PTPRJ: variants seen among roughly 807,000 people sequenced by gnomAD.
PTPRJ encodes the protein receptor-type tyrosine-protein phosphatase eta.
In PTPRJ, 129 loss-of-function variants were observed where a neutral mutation model predicts 141.3. The ratio of observed to expected loss-of-function variants is 0.91; its 90% CI spans 0.79 to 1.06. PTPRJ has a LOEUF of 1.06. PTPRJ is among the 50% of genes least tolerant of loss of function. The pLI, the probability that PTPRJ is intolerant of heterozygous loss-of-function variation, is 0.00. For missense variants in PTPRJ, 1,601 were observed against 1,679.7 expected, an observed-to-expected ratio of 0.95 and a Z score of 0.82; for synonymous variants, 610 against 640.5, an observed-to-expected ratio of 0.95 and a Z score of 0.72.
intron 1 of PTPRJ, among the ~76,000 whole-genome samples, chr11:48,108,118 C>CA (rs998705135): frequency 1.3e-5 from 2 of 152,040 alleles, no homozygotes; most frequent in African/African-American, 4.8e-5. Context: ...CTTTGGAAAA[C>CA]AATGCTGGGG....
intron 14 of PTPRJ, among the ~76,000 whole-genome samples, chr11:48,145,948 G>C (rs1857340375): frequency 6.6e-6 from 1 of 152,060 alleles, no homozygotes; most frequent in Non-Finnish European, 1.5e-5. Context: ...GAATTCCTGG[G>C]CTCAAGGGAT....
intron 1 of PTPRJ, among the ~76,000 whole-genome samples, chr11:48,046,913 T>TATATA (rs374032992): frequency 8.8e-4 from 50 of 56,702 alleles, no homozygotes; most frequent in Admixed American, 3.3e-3. Context: ...TATATATATA[T>TATATA]TTTTTTTTTT....
chr11:48,027,979 C>T (rs1169775719), intron 1 of PTPRJ, among the ~76,000 whole-genome samples: 3 of 151,774 alleles, frequency 2.0e-5, no homozygotes, highest in Non-Finnish European at 4.4e-5. Flanking sequence ...TTCCAGGGTC[C>T]AGGCAGTGAG....
chr11:48,071,322 AT>A (rs879457113), intron 1 of PTPRJ, among the ~76,000 whole-genome samples: 113 of 147,026 alleles, frequency 7.7e-4, no homozygotes, highest in African/African-American at 1.1e-3. Flanking sequence ...AGACTGAGTA[AT>A]TTTTTTTTTT....
At chr11:48,032,783 A>G (rs778682680) in intron 1 of PTPRJ, among the ~76,000 whole-genome samples, 12 of 152,196 alleles carry the variant, frequency 7.9e-5, no homozygotes, top group Non-Finnish European at 1.6e-4. Context: ...AAAACAACAA[A>G]AAACCCCAAA....
intron 3 of PTPRJ, among the ~76,000 whole-genome samples, chr11:48,113,289 G>A (rs898669335): frequency 2.0e-5 from 3 of 152,044 alleles, no homozygotes; most frequent in Non-Finnish European, 2.9e-5. Flanking sequence ...AAATATCAAG[G>A]TCATCCTTTA....
At chr11:48,054,047 C>A (rs1854685818) in intron 1 of PTPRJ, among the ~76,000 whole-genome samples, 1 of 150,440 alleles carries the variant, frequency 6.6e-6, no homozygotes, top group African/African-American at 2.5e-5. Context: ...GTTCTCCTGG[C>A]TCAGCCTCCC....
intron 4 of PTPRJ, 72 bp downstream of exon 4, chr11:48,121,338 T>C: frequency 6.7e-7 from 1 of 1,482,740 alleles, no homozygotes; most frequent in Non-Finnish European, 9.2e-7. Context: ...CCTTGTCCGT[T>C]CAAGTTGCCT....
chr11:48,055,720 C>G (rs1231052161), intron 1 of PTPRJ, among the ~76,000 whole-genome samples: 1 of 152,142 alleles, frequency 6.6e-6, no homozygotes, highest in East Asian at 1.9e-4. Flanking sequence ...GAAGGTAGAT[C>G]CCTGAAGTTG....
intron 1 of PTPRJ, among the ~76,000 whole-genome samples, chr11:48,064,644 C>T (rs1248478365): frequency 1.3e-5 from 2 of 152,134 alleles, no homozygotes; most frequent in Non-Finnish European, 2.9e-5. Context: ...TACTCTGTCG[C>T]CCAGGCTAGA....
chr11:48,160,346 C>T (rs78591600), intron 22 of PTPRJ, among the ~76,000 whole-genome samples: 1 of 152,158 alleles, frequency 6.6e-6, no homozygotes, highest in East Asian at 1.9e-4. Context: ...AGGTGACTTG[C>T]TCATAGATTT....
At position 48,163,559 on chromosome 11, in the gene PTPRJ, C is replaced by A; in HGVS notation, c.3660C>A (p.Tyr1220Ter). 6.2e-7 allele frequency: 1 copy of A among 1,613,998 alleles called. No individual in the cohort carries two copies. The highest frequency in any genetic ancestry group is 8.5e-7 in the Non-Finnish European group (1 of 1,179,858). Residue 1220 changes from tyrosine (Y) to a stop codon, truncating the protein, a stop_gained, in exon 23 of 25, where the codon TAC (tyrosine) becomes TAA (stop). Transcript: ENST00000418331. LOFTEE classifies it high-confidence loss of function. ...DTTDLLINFR[Y>*]LVRDYMKQSP... is the part of the protein sequence containing the mutation. ...CTGACCTGCTCATCAACTTCCGGTA[C>A]CTCGTTCGTGACTACATGAAGCAGA... is the stretch of plus-strand genomic sequence containing the variant.
intron 1 of PTPRJ, among the ~76,000 whole-genome samples, chr11:48,029,803 A>G (rs1465983383): frequency 1.3e-5 from 2 of 152,202 alleles, no homozygotes; most frequent in Non-Finnish European, 2.9e-5. Context: ...TGTGTTTGCT[A>G]AACATATCTT....
intron 1 of PTPRJ, among the ~76,000 whole-genome samples, chr11:48,033,304 G>T (rs1159765085): frequency 6.6e-6 from 1 of 152,086 alleles, no homozygotes; most frequent in Non-Finnish European, 1.5e-5. Context: ...GGTGGATTTT[G>T]GAGTCTGAGC....
At chr11:48,061,043 C>G (rs1854908903) in intron 1 of PTPRJ, among the ~76,000 whole-genome samples, 1 of 152,166 alleles carries the variant, frequency 6.6e-6, no homozygotes, top group South Asian at 2.1e-4. Flanking sequence ...TCTTGTTGCC[C>G]AGGCTGGAGT....
intron 15 of PTPRJ, among the ~76,000 whole-genome samples, chr11:48,148,880 C>T (rs551339897): frequency 1.1e-4 from 17 of 152,256 alleles, no homozygotes; most frequent in South Asian, 4.2e-4. Context: ...GGCACATTCA[C>T]GATTATTTCC....
At chr11:48,058,007 G>A (rs1854807527) in intron 1 of PTPRJ, among the ~76,000 whole-genome samples, 1 of 151,984 alleles carries the variant, frequency 6.6e-6, no homozygotes, top group Admixed American at 6.6e-5. Flanking sequence ...CGCCTCCCGG[G>A]TTCAAGTGAT....
At chr11:48,100,996 C>T (rs957270942) in intron 1 of PTPRJ, among the ~76,000 whole-genome samples, 3 of 152,068 alleles carry the variant, frequency 2.0e-5, no homozygotes, top group Non-Finnish European at 2.9e-5. Context: ...TGTCATTGCT[C>T]ATTGCTGAGA....
intron 1 of PTPRJ, among the ~76,000 whole-genome samples, chr11:48,006,992 A>G (rs1034607008): frequency 1.3e-5 from 2 of 152,166 alleles, no homozygotes; most frequent in Non-Finnish European, 2.9e-5. Flanking sequence ...TTCAAATATG[A>G]AATCAGAATT....
Sources: gnomAD v4.1 joint callset for allele counts (sites outside exome capture counted in the v4.1 genomes callset) on GRCh38, gnomAD v4.1.1 for gene constraint, MANE v1.5 for transcripts, NCBI Gene and HGNC (gene_info 2026-07-23, HGNC 2026-07-21) for gene names.